Variants in LHFPL3 observed in about 807,000 individuals in gnomAD.
The protein encoded by LHFPL3 is LHFPL tetraspan subfamily member 3 protein.
LHFPL3 carries 5 observed loss-of-function variants against 19.3 expected under a neutral mutation model. That is an observed-to-expected ratio of 0.26 (90% CI 0.14 to 0.54). LHFPL3 has a LOEUF of 0.54. Ranked by LOEUF, LHFPL3 falls within the 20% of genes least tolerant of loss-of-function variation. LHFPL3 has a pLI of 0.94. For synonymous variants in LHFPL3, 133 were observed against 126.2 expected, an observed-to-expected ratio of 1.05 and a Z score of -0.36; for missense variants, 249 against 307.4, an observed-to-expected ratio of 0.81 and a Z score of 1.42.
At position 104,408,864 on chromosome 7, in the gene LHFPL3, C is replaced by CTTTTT. The variant is rs561975535; in HGVS notation, c.445+79654_445+79658dup. ...AGGCACTAGTGTTGTAATTTTCTTT[C>CTTTTT]TTTTTTTTTTTTTTTTTTGAGACGG... On this transcript the variant is annotated intron_variant, in intron 1 of 2. Coordinates refer to ENST00000424859, the MANE Select transcript of LHFPL3 (RefSeq NM_199000.3). Among the ~76,000 whole-genome samples the CTTTTT allele has an allele frequency of 9.5e-5, 10 of 105,436 alleles. No individual in the cohort carries two copies. The Admixed American group carries it at 1.1e-3, about 12-fold the overall frequency. 69.2% of individuals were successfully genotyped at this position (105,436 alleles called of 152,430 possible).
intron 1 of LHFPL3, among the ~76,000 whole-genome samples, chr7:104,356,757 T>C (rs1430788287): frequency 1.3e-5 from 2 of 152,048 alleles, no homozygotes; most frequent in Non-Finnish European, 2.9e-5. Context: ...CACAGTCTAG[T>C]GGGGAGGAAA....
intron 1 of LHFPL3, among the ~76,000 whole-genome samples, chr7:104,532,318 C>CTTTTTTTTTTTTTTTTTTTTTTTTGTTT (rs71155504): frequency 8.0e-5 from 7 of 87,230 alleles, no homozygotes; most frequent in African/African-American, 1.3e-4. Flanking sequence ...TTCTTTCTGT[C>CTTTTTTTTTTTTTTTTTTTTTTTTGTTT]TTTTTTTTTT....
chr7:104,475,810 G>T (rs1431072774), intron 1 of LHFPL3, among the ~76,000 whole-genome samples: 1 of 152,090 alleles, frequency 6.6e-6, no homozygotes, highest in Non-Finnish European at 1.5e-5. Context: ...TTCGGGGAAG[G>T]CTTGTTTAGA....
intron 2 of LHFPL3, among the ~76,000 whole-genome samples, chr7:104,903,059 T>C (rs1378592801): frequency 6.6e-6 from 1 of 152,172 alleles, no homozygotes; most frequent in Non-Finnish European, 1.5e-5. Flanking sequence ...TTCTCCCCTC[T>C]ACCTCCCGCA....
At chr7:104,510,318 T>A (rs1376667254) in intron 1 of LHFPL3, among the ~76,000 whole-genome samples, 1 of 152,126 alleles carries the variant, frequency 6.6e-6, no homozygotes, top group Non-Finnish European at 1.5e-5. Flanking sequence ...ATCCATATAT[T>A]CAATCTCAAG....
intron 2 of LHFPL3, among the ~76,000 whole-genome samples, chr7:104,852,222 C>T (rs1398729482): frequency 6.6e-6 from 1 of 152,178 alleles, no homozygotes; most frequent in Non-Finnish European, 1.5e-5. Flanking sequence ...AAAGGCAGAT[C>T]TCCCCTCTCT....
At chr7:104,765,823 T>A (rs1367706733) in intron 2 of LHFPL3, among the ~76,000 whole-genome samples, 1 of 152,216 alleles carries the variant, frequency 6.6e-6, no homozygotes, top group African/African-American at 2.4e-5. Flanking sequence ...TTATATGCAA[T>A]GCAGATGTCT....
At chr7:104,797,101 G>C (rs1189014654) in intron 2 of LHFPL3, among the ~76,000 whole-genome samples, 1 of 152,194 alleles carries the variant, frequency 6.6e-6, no homozygotes, top group Non-Finnish European at 1.5e-5. Flanking sequence ...TCCACTCCTG[G>C]TGTCAGAAAA....
intron 1 of LHFPL3, among the ~76,000 whole-genome samples, chr7:104,444,402 C>T (rs1792287344): frequency 6.6e-6 from 1 of 152,072 alleles, no homozygotes; most frequent in African/African-American, 2.4e-5. Flanking sequence ...TTATCTGACA[C>T]CTGCCTTGAA....
chr7:104,531,514 A>G (rs914234390), intron 1 of LHFPL3, among the ~76,000 whole-genome samples: 2 of 152,152 alleles, frequency 1.3e-5, no homozygotes, highest in Non-Finnish European at 2.9e-5. Flanking sequence ...TTTTAGGGAT[A>G]CTTCAAAAGG....
chr7:104,584,326 G>A (rs887188979), intron 1 of LHFPL3, among the ~76,000 whole-genome samples: 3 of 151,936 alleles, frequency 2.0e-5, no homozygotes, highest in Non-Finnish European at 2.9e-5. Context: ...GGGGAGAGGG[G>A]AGGGATAGCA....
At chr7:104,620,949 C>T (rs2115801419) in intron 1 of LHFPL3, among the ~76,000 whole-genome samples, 1 of 152,308 alleles carries the variant, frequency 6.6e-6, no homozygotes, top group Non-Finnish European at 1.5e-5. Flanking sequence ...TTTTCAACCC[C>T]TGACAGCATA....
chr7:104,525,026 A>G (rs983499636), intron 1 of LHFPL3, among the ~76,000 whole-genome samples: 1 of 152,150 alleles, frequency 6.6e-6, no homozygotes, highest in Non-Finnish European at 1.5e-5. Context: ...GAAATATGAG[A>G]AGGTGGTGCT....
intron 1 of LHFPL3, among the ~76,000 whole-genome samples, chr7:104,445,297 G>A (rs1028813419): frequency 1.3e-5 from 2 of 152,190 alleles, no homozygotes; most frequent in Admixed American, 1.3e-4. Context: ...AGACATAAGA[G>A]TCAAGGACAT....
At chr7:104,799,381 G>A (rs1226402566) in intron 2 of LHFPL3, 1 of 152,224 alleles carries the variant, frequency 6.6e-6, no homozygotes, top group African/African-American at 2.4e-5. Context: ...GATGGGAAAG[G>A]TGTGCAGCAC....
chr7:104,416,233 T>G (rs1383181482), intron 1 of LHFPL3, among the ~76,000 whole-genome samples: 2 of 152,048 alleles, frequency 1.3e-5, no homozygotes, highest in African/African-American at 4.8e-5. Context: ...TTCCAAGGAT[T>G]GCTGGTAAAG....
chr7:104,432,460 CG>C (rs1562895928), intron 1 of LHFPL3, among the ~76,000 whole-genome samples: 2 of 152,150 alleles, frequency 1.3e-5, no homozygotes, highest in South Asian at 4.1e-4. Context: ...TCTTCCTCTT[CG>C]GGCCATTCCT....
chr7:104,686,486 C>A (rs1792808223), intron 1 of LHFPL3, among the ~76,000 whole-genome samples: 2 of 152,196 alleles, frequency 1.3e-5, no homozygotes, highest in Non-Finnish European at 2.9e-5. Flanking sequence ...CTCTCACTCA[C>A]CACTCAGCAC....
At chr7:104,600,261 T>TG (rs1790937867) in intron 1 of LHFPL3, among the ~76,000 whole-genome samples, 1 of 152,254 alleles carries the variant, frequency 6.6e-6, no homozygotes, top group Non-Finnish European at 1.5e-5. Context: ...CTTTCTGAGC[T>TG]GGCAACTTTT....
Sources: gnomAD v4.1 joint callset for allele counts (sites outside exome capture counted in the v4.1 genomes callset) on GRCh38, gnomAD v4.1.1 for gene constraint, MANE v1.5 for transcripts, NCBI Gene and HGNC (gene_info 2026-07-23, HGNC 2026-07-21) for gene names.